Variants in SBNO1 observed in about 807,000 individuals in gnomAD.
SBNO1 encodes the protein strawberry notch homolog 1, also known as protein strawberry notch homolog 1.
SBNO1 carries 23 observed loss-of-function variants against 173.6 expected under a neutral mutation model. That is an observed-to-expected ratio of 0.13 (90% CI 0.10 to 0.19). SBNO1 has a LOEUF of 0.19. SBNO1 is among the 10% of genes least tolerant of loss of function. The pLI is 1.00. For missense variants in SBNO1, 1,238 were observed against 1,671.2 expected (o/e 0.74, Z 4.52); for synonymous variants, 632 against 571.5 (o/e 1.11, Z -1.51).
chr12:123,330,272 A>G (rs1871064889), intron 9 of SBNO1, 147 bp downstream of exon 9: 4 of 618,506 alleles, frequency 6.5e-6, no homozygotes, highest in South Asian at 5.5e-5. Flanking sequence ...CAAACCAACA[A>G]TAGTGGCTAG....
At position 123,336,410 on chromosome 12, in the gene SBNO1, A is replaced by G; in HGVS notation, c.733T>C (p.Tyr245His). 2 of 1,598,586 alleles carry G rather than the reference A, an allele frequency of 1.3e-6. No individual in the cohort carries two copies. Among genetic ancestry groups the G allele is most frequent in the Non-Finnish European group, 1.7e-6 (2 of 1,168,134 alleles). ...EMGHAETYAE[Y>H]MPIKLKIGLR... The stretch of plus-strand genomic sequence containing the variant: ...GAAGACATACATTTTATTGGCATGT[A>G]TTCTGCATAGGTTTCTGCATGACCC... Residue 245 changes from tyrosine to histidine, a missense_variant, in exon 6 of 32, where the codon TAC becomes CAC. Around this residue, in one of 14 missense-constraint regions of SBNO1, gnomAD observed 78 missense variants for 103.3 expected, o/e 0.76. Transcript: ENST00000602398.
At chr12:123,333,936 C>T (rs933147786) in intron 7 of SBNO1, 117 bp downstream of exon 7, 54 of 631,752 alleles carry the variant, frequency 8.5e-5, no homozygotes, top group Non-Finnish European at 5.2e-5. Flanking sequence ...ATTAAACTTT[C>T]ATAAATATTA....
intron 17 of SBNO1, 98 bp downstream of exon 17, chr12:123,321,437 G>T: frequency 1.2e-6 from 1 of 857,576 alleles, no homozygotes; most frequent in Non-Finnish European, 1.8e-6. Context: ...TAATCTGTGT[G>T]ATCATTTGTA....
chr12:123,308,082 A>G (rs1036853486), intron 28 of SBNO1, among the ~76,000 whole-genome samples: 1 of 152,164 alleles, frequency 6.6e-6, no homozygotes, highest in Non-Finnish European at 1.5e-5. Context: ...AAAACAAAAC[A>G]AAACGAAACA....
Position 123,326,230 on chromosome 12 carries a change from C to T in SBNO1, c.1797G>A (p.Arg599=), listed in dbSNP as rs781753259. 4 of 1,613,478 alleles carry T rather than the reference C, an allele frequency of 2.5e-6. No individual in the cohort carries two copies. Among genetic ancestry groups the T allele is most frequent in the Admixed American group, 1.7e-5 (1 of 59,966 alleles). The change falls in exon 14 of 32, where the codon AGG becomes AGA. Residue 599 remains arginine (R), a synonymous_variant. Coordinates refer to ENST00000602398, the MANE Select transcript of SBNO1 (RefSeq NM_001167856.3). The part of the protein sequence containing the change: ...MWGQFWSAHQ[R]FFKYLCIASK... ...ATGCTATGCATAAGTATTTGAAGAA[C>T]CTCTGGTGAGCAGACCAGAACTGAC...
chr12:123,345,478 A>G lies in SBNO1; in HGVS notation c.330T>C (p.Pro110=). 6.2e-7 allele frequency: 1 copy of G among 1,614,142 alleles called. No individual in the cohort carries two copies. The highest frequency in any genetic ancestry group is 1.1e-5 in the South Asian group (1 of 91,084). ...TGATGGTTTGCCTGTTGGTTGTTAC[A>G]GGTGGTGTTTTAGTCATTACAATTG... ...GSTIVMTKTP[P]VTTNRQTITL... is the part of the protein sequence containing the mutation. Residue 110 remains proline (P), a synonymous_variant, in exon 4 of 32, where the codon CCT becomes CCC. Transcript: ENST00000602398.
intron 2 of SBNO1, among the ~76,000 whole-genome samples, chr12:123,349,263 C>T (rs1158420752): frequency 1.3e-5 from 2 of 152,010 alleles, no homozygotes; most frequent in African/African-American, 2.4e-5. Flanking sequence ...CCACGGCCAC[C>T]TAATTTTATT....
chr12:123,299,552 G>A (rs1334812036), intron 30 of SBNO1, among the ~76,000 whole-genome samples: 7 of 151,062 alleles, frequency 4.6e-5, no homozygotes, highest in Admixed American at 1.3e-4. Context: ...GTGGTGGCGG[G>A]CACCTGTAGT....
rs1263813282 is a variant in SBNO1 at position 123,330,477 on chromosome 12, G to C, written c.1076C>G (p.Ala359Gly). Residue 359 changes from alanine (A) to glycine (G), a missense_variant, in exon 9 of 32, where the codon GCT (alanine) becomes GGT (glycine). Transcript: ENST00000602398. ...TCCAATATCCCTTAAATCTCTTTCA[G>C]CATCATACTTTAAGTCATTTGAAAC... ...FSVSNDLKYDAERDLRDIGAK... is the reference protein window; with the variant it reads ...FSVSNDLKYDGERDLRDIGAK... 2 of 1,602,834 alleles carry C rather than the reference G, an allele frequency of 1.2e-6. No homozygotes were observed. The highest frequency in any genetic ancestry group is 2.7e-5 in the African/African-American group (2 of 74,354).
intron 15 of SBNO1, among the ~76,000 whole-genome samples, chr12:123,324,907 C>A (rs1870438190): frequency 6.6e-6 from 1 of 151,912 alleles, no homozygotes. Flanking sequence ...CTCACGGGTT[C>A]AATGGATTCT....
intron 5 of SBNO1, among the ~76,000 whole-genome samples, 195 bp downstream of exon 5, chr12:123,340,793 T>C (rs1013364137): frequency 6.6e-6 from 1 of 152,110 alleles, no homozygotes; most frequent in Non-Finnish European, 1.5e-5. Context: ...ACTCCATCAA[T>C]CTGCAAGTTT....
chr12:123,305,929 G>C (rs145797490), intron 28 of SBNO1, among the ~76,000 whole-genome samples: 1 of 151,976 alleles, frequency 6.6e-6, no homozygotes, highest in Admixed American at 6.6e-5. Context: ...GGAGCAAAAC[G>C]GAAGGAAAAA....
chr12:123,337,673 G>A (rs1372400961), intron 5 of SBNO1, among the ~76,000 whole-genome samples: 7 of 152,212 alleles, frequency 4.6e-5, no homozygotes, highest in African/African-American at 1.7e-4. Flanking sequence ...TCGGAAATTC[G>A]AGACAAAACA....
intron 30 of SBNO1, among the ~76,000 whole-genome samples, chr12:123,301,599 A>T (rs1381877089): frequency 6.6e-6 from 1 of 152,226 alleles, no homozygotes; most frequent in Non-Finnish European, 1.5e-5. Context: ...GAGGTCACAA[A>T]GTGAACACTG....
chr12:123,350,252 A>G, intron 2 of SBNO1, 58 bp downstream of exon 2: 1 of 1,426,284 alleles, frequency 7.0e-7, no homozygotes, highest in Non-Finnish European at 9.6e-7. Flanking sequence ...AGACTATCTT[A>G]AAAAAAAATA....
intron 31 of SBNO1, among the ~76,000 whole-genome samples, chr12:123,296,840 T>C (rs1325688689): frequency 6.6e-6 from 1 of 150,992 alleles, no homozygotes; most frequent in African/African-American, 2.4e-5. Flanking sequence ...ATTATAGGTG[T>C]GAGCCACCGT....
rs202169815 is a variant in SBNO1 at position 123,297,929 on chromosome 12, G to A, written c.4039+49C>T. ...AGATATTAGCAATGAGAAAAAAGTC[G>A]GATCCGATTTTTTCCTGCAACTCAA... On this transcript the variant is annotated intron_variant, in intron 31 of 31. Coordinates refer to ENST00000602398, the MANE Select transcript of SBNO1 (RefSeq NM_001167856.3). 282 of 1,562,286 alleles carry A rather than the reference G, an allele frequency of 1.8e-4. No homozygotes were observed. The East Asian group carries it at 4.0e-3, about 22-fold the overall frequency.
Position 123,295,908 on chromosome 12 carries a change from T to C in SBNO1, c.4182A>G (p.Ter1394TrpextTer11). The C allele has an allele frequency of 6.2e-7, 1 of 1,613,676 alleles. No individual in the cohort carries two copies. Among genetic ancestry groups the C allele is most frequent in the South Asian group, 1.1e-5 (1 of 91,056 alleles). The change falls in exon 32 of 32, where the codon TGA becomes TGG. Residue 1394 changes from the stop codon to tryptophan, a stop_lost. Coordinates refer to ENST00000602398, the MANE Select transcript of SBNO1 (RefSeq NM_001167856.3). The stretch of plus-strand genomic sequence containing the variant: ...ATCCATGTTGAAACCTGTCTGTTCT[T>C]CATGCGTTGCTCAAGTTGGTGATGC... The part of the protein sequence containing the change: ...PQSITNLSNA[*>W]
At chr12:123,334,427 G>A (rs905048648) in intron 6 of SBNO1, among the ~76,000 whole-genome samples, 1 of 152,092 alleles carries the variant, frequency 6.6e-6, no homozygotes, top group African/African-American at 2.4e-5. Context: ...CAGAGATTTG[G>A]GCCAGGTGGG....
Sources: gnomAD v4.1 joint callset for allele counts (sites outside exome capture counted in the v4.1 genomes callset) on GRCh38, gnomAD v4.1.1 for gene constraint, gnomAD v4.1.1 regional missense constraint, MANE v1.5 for transcripts, NCBI Gene and HGNC (gene_info 2026-07-23, HGNC 2026-07-21) for gene names.